C11orf65: variants seen among roughly 807,000 people sequenced by gnomAD.
C11orf65 encodes chromosome 11 open reading frame 65.
C11orf65 carries 38 observed loss-of-function variants against 35.3 expected under a neutral mutation model. That is an observed-to-expected ratio of 1.08 (90% CI 0.83 to 1.41). The LOEUF (loss-of-function observed/expected upper bound fraction) is 1.41. Ranked by LOEUF, C11orf65 falls within the 40% of genes most tolerant of loss-of-function variation. The probability of loss-of-function intolerance (pLI) is 0.00; values close to 1 mark genes in which losing one functional copy is unlikely to be tolerated. For missense variants in C11orf65, 370 were observed against 367.1 expected (o/e 1.01, Z -0.06); for synonymous variants, 105 against 114.4 (o/e 0.92, Z 0.53).
intron 3 of C11orf65, among the ~76,000 whole-genome samples, chr11:108,416,055 G>A (rs761472165): frequency 3.3e-5 from 5 of 152,212 alleles, no homozygotes; most frequent in Non-Finnish European, 5.9e-5. Flanking sequence ...GGTGAGCTTG[G>A]GTTTGGTGAT....
intron 3 of C11orf65, chr11:108,334,006 A>AT (rs752819265): frequency 3.4e-6 from 5 of 1,487,598 alleles, no homozygotes; most frequent in Non-Finnish European, 4.7e-6. Context: ...TTTAAACTAA[A>AT]TTTTTTTTAT....
chr11:108,449,821 A>G lies in C11orf65; in HGVS notation c.81+11658T>C, dbSNP rs906205246. On this transcript the variant is annotated intron_variant, in intron 2 of 8. Transcript: ENST00000393084. ...TAAACTTAAGAGCTTCTGCACAGCA[A>G]AAGAAACTACCATCAGAGTGAACAG... is the stretch of plus-strand genomic sequence containing the variant. Among the ~76,000 whole-genome samples, 24 of 152,174 alleles carry G rather than the reference A, an allele frequency of 1.6e-4. 1 individual carries two copies. Among genetic ancestry groups the G allele is most frequent in the African/African-American group, 5.8e-4 (24 of 41,416 alleles).
intron 3 of C11orf65, chr11:108,332,181 A>C: frequency 9.4e-7 from 1 of 1,060,240 alleles, no homozygotes; most frequent in Non-Finnish European, 1.4e-6. Context: ...TAATCCCAGC[A>C]CTTTGGGAGG....
intron 6 of C11orf65, chr11:108,316,153 T>G: frequency 6.5e-7 from 1 of 1,536,474 alleles, no homozygotes; most frequent in Non-Finnish European, 9.0e-7. Flanking sequence ...ATCACTAGTG[T>G]AGTGCTGAGG....
intron 2 of C11orf65, among the ~76,000 whole-genome samples, chr11:108,360,094 T>TA (rs1373096539): frequency 6.6e-6 from 1 of 150,814 alleles, no homozygotes; most frequent in African/African-American, 2.4e-5. Flanking sequence ...ATAGACACAA[T>TA]AAAAAATGAT....
chr11:108,349,216 A>AGTGCT (rs2088867861), intron 2 of C11orf65, among the ~76,000 whole-genome samples: 1 of 152,248 alleles, frequency 6.6e-6, no homozygotes, highest in Admixed American at 6.5e-5. Flanking sequence ...AGTATCTGAT[A>AGTGCT]CAGAAAGGTC....
chr11:108,387,069 G>A (rs1163990373), intron 7 of C11orf65, among the ~76,000 whole-genome samples: 5 of 147,962 alleles, frequency 3.4e-5, no homozygotes, highest in Non-Finnish European at 5.9e-5. Flanking sequence ...GTGACAGAGC[G>A]AGATCTCAAA....
rs866237072 is a variant in C11orf65 at position 108,351,087 on chromosome 11, A to G, written c.227-15795T>C. Among the ~76,000 whole-genome samples, 3 of 152,248 alleles carry G rather than the reference A, an allele frequency of 2.0e-5. No homozygotes were observed. In the East Asian group the frequency reaches 5.8e-4, roughly 29 times the overall value. On this transcript the variant is annotated intron_variant, in intron 2 of 3. Coordinates refer to the C11orf65 transcript ENST00000524755. Reference sequence around the variant, plus strand: ...CTTTGTATATAATGAGATTGAATGAATAATAACACACAATATAGAAGACTC... The same window carrying G: ...CTTTGTATATAATGAGATTGAATGAGTAATAACACACAATATAGAAGACTC...
intron 1 of C11orf65, among the ~76,000 whole-genome samples, chr11:108,466,205 G>A (rs915768440): frequency 6.6e-6 from 1 of 152,066 alleles, no homozygotes; most frequent in Non-Finnish European, 1.5e-5. Context: ...AAATAAGATC[G>A]ACTTTATATG....
At chr11:108,343,822 G>T (rs1192166114) in intron 2 of C11orf65, among the ~76,000 whole-genome samples, 1 of 152,038 alleles carries the variant, frequency 6.6e-6, no homozygotes, top group Non-Finnish European at 1.5e-5. Context: ...ACAAGATTAT[G>T]AAGTAATTTT....
chr11:108,365,540 C>T (rs769783429), intron 2 of C11orf65: 1 of 1,604,446 alleles, frequency 6.2e-7, no homozygotes, highest in South Asian at 1.1e-5. Flanking sequence ...TTTCATTCAG[C>T]CTTTAGAAAT....
intron 3 of C11orf65, chr11:108,331,614 T>C: frequency 1.4e-6 from 2 of 1,432,352 alleles, no homozygotes; most frequent in South Asian, 1.5e-5. Flanking sequence ...TATTACTATA[T>C]ATTATATAAA....
At chr11:108,420,909 C>T (rs892643421) in intron 3 of C11orf65, among the ~76,000 whole-genome samples, 9 of 152,036 alleles carry the variant, frequency 5.9e-5, no homozygotes, top group African/African-American at 1.7e-4. Context: ...GCTACCGCAC[C>T]CGGCCAAAAT....
At position 108,354,979 on chromosome 11, in the gene C11orf65, G is replaced by A. The variant is rs555009894; in HGVS notation, c.227-19687C>T. 9.4e-5 allele frequency: 91 copies of A among 970,504 alleles called. No individual in the cohort carries two copies. In the African/African-American group the frequency reaches 1.4e-3, roughly 15 times the overall value. The allele number at this position is 970,504 out of a possible 1,614,324, so 60.1% of individuals were successfully genotyped here. On this transcript the variant is annotated intron_variant, in intron 2 of 3. Transcript: ENST00000524755. ...AAGAGCACTGCTTCATTTTAACATA[G>A]GGGGATGTGGCTGGGCAGCAGAAAG... is the stretch of plus-strand genomic sequence containing the variant.
At chr11:108,461,386 A>G in intron 2 of C11orf65, 93 bp downstream of exon 2, 3 of 947,194 alleles carry the variant, frequency 3.2e-6, no homozygotes, top group Non-Finnish European at 4.9e-6. Context: ...GGCAACAGAG[A>G]GAGATTCTGT....
intron 2 of C11orf65, chr11:108,368,074 T>C: frequency 4.8e-6 from 1 of 208,556 alleles, no homozygotes; most frequent in Non-Finnish European, 9.8e-6. Context: ...TCTTTAGCCT[T>C]GCATGGTATG....
rs2136218502 is a variant in C11orf65 at position 108,319,955 on chromosome 11, A to G, written c.641-10884T>C. 6.2e-7 allele frequency: 1 copy of G among 1,606,472 alleles called. No individual in the cohort carries two copies. The highest frequency in any genetic ancestry group is 2.2e-5 in the East Asian group (1 of 44,724). On this transcript the variant is annotated intron_variant, in intron 6 of 6. Coordinates refer to the C11orf65 transcript ENST00000525729. ...TTTTTTCTTTGACTTATCTCACAGC[A>G]AAGAAGTAGAAGGAACCAGTTACCA...
At position 108,358,197 on chromosome 11, in the gene C11orf65, G is replaced by C. The variant is rs1002530239; in HGVS notation, c.227-22905C>G. 8.4e-4 allele frequency among the ~76,000 whole-genome samples: 127 copies of C among 151,470 alleles called. 1 individual carries two copies. Among genetic ancestry groups the C allele is most frequent in the African/African-American group, 2.6e-3 (105 of 41,122 alleles). On this transcript the variant is annotated intron_variant, in intron 2 of 3. Transcript: ENST00000524755. Reference sequence around the variant, plus strand: ...ATCAACTGGAAGAAAGGGTATCAGCGATGGAAGATGAAATGAATGAAATGA... The same window carrying C: ...ATCAACTGGAAGAAAGGGTATCAGCCATGGAAGATGAAATGAATGAAATGA...
intron 6 of C11orf65, among the ~76,000 whole-genome samples, chr11:108,402,155 T>C (rs756324590): frequency 1.4e-4 from 22 of 152,096 alleles, no homozygotes; most frequent in Non-Finnish European, 1.3e-4. Context: ...TGAGAAATAG[T>C]AGAGGGGGAA....
Sources: gnomAD v4.1 joint callset for allele counts (sites outside exome capture counted in the v4.1 genomes callset) on GRCh38, gnomAD v4.1.1 for gene constraint, MANE v1.5 for transcripts, NCBI Gene and HGNC (gene_info 2026-07-23, HGNC 2026-07-21) for gene names.